APC: variants seen among roughly 807,000 people sequenced by gnomAD.
APC encodes the protein APC regulator of Wnt signaling pathway, also known as adenomatous polyposis coli protein.
Under a neutral mutation model 247.0 loss-of-function variants are expected in APC, and 72 were observed. The ratio of observed to expected loss-of-function variants is 0.29; its 90% CI spans 0.24 to 0.35. The LOEUF (loss-of-function observed/expected upper bound fraction) is 0.35, where lower values mean the gene tolerates loss of function less well. Among genes scored for constraint, APC ranks in the 10% least tolerant of loss-of-function variants. APC has a pLI of 1.00. For synonymous variants in APC, 1,254 were observed against 1,162.5 expected (o/e 1.08, Z -1.60); for missense variants, 3,400 against 3,360.7 (o/e 1.01, Z -0.29).
At chr5:112,752,529 T>C (rs1327300358) in intron 1 of APC, among the ~76,000 whole-genome samples, 1 of 152,214 alleles carries the variant, frequency 6.6e-6, no homozygotes, top group Non-Finnish European at 1.5e-5. Context: ...ATTGAGAGGT[T>C]TGCATGCTCT....
Position 112,818,279 on chromosome 5 carries a change from G to A in APC, c.934-687G>A, listed in dbSNP as rs536736201. Among the ~76,000 whole-genome samples the A allele has an allele frequency of 1.4e-3, 214 of 152,242 alleles. 3 individuals are homozygous for A. Among genetic ancestry groups the A allele is most frequent in the African/African-American group, 5.0e-3 (208 of 41,538 alleles). On this transcript the variant is annotated intron_variant, in intron 9 of 15. Transcript: ENST00000257430. The stretch of plus-strand genomic sequence containing the variant: ...CCAGGATAACTGGGTGCCACTTTCC[G>A]GTTTCTAATCTGCTTCTAACTAAAT...
intron 7 of APC, among the ~76,000 whole-genome samples, chr5:112,794,261 TG>T (rs1759961878): frequency 6.6e-6 from 1 of 152,084 alleles, no homozygotes; most frequent in East Asian, 1.9e-4. Flanking sequence ...TTGTATTTTT[TG>T]TAGAGACGAG....
chr5:112,840,614 G>A lies in APC; in HGVS notation c.5020G>A (p.Gly1674Arg), dbSNP rs899555020. 1 of 1,614,084 alleles carries A rather than the reference G, an allele frequency of 6.2e-7. No individual in the cohort carries two copies. The change falls in exon 16 of 16, where the codon GGA becomes AGA. Residue 1674 changes from glycine to arginine, a missense_variant. Coordinates refer to ENST00000257430, the MANE Select transcript of APC (RefSeq NM_000038.6). This position sits in a 1 kb window ranked among gnomAD's most constrained non-coding sequence, Gnocchi z 4.1. The part of the protein sequence containing the change: ...SPPNELAAGE[G>R]VRGGAQSGEF... Reference sequence around the variant, plus strand: ...TCCAAATGAGTTAGCTGCTGGAGAAGGAGTTAGAGGAGGGGCACAGTCAGG... The same window carrying A: ...TCCAAATGAGTTAGCTGCTGGAGAAAGAGTTAGAGGAGGGGCACAGTCAGG...
chr5:112,819,171 G>C lies in APC; in HGVS notation c.1139G>C (p.Arg380Pro), dbSNP rs587782886. The change falls in exon 10 of 16, where the codon CGG becomes CCG. Residue 380 changes from arginine (R) to proline (P), a missense_variant. Physicochemically the swap from Arg to Pro is moderately radical, Grantham distance 103. Coordinates refer to ENST00000257430, the MANE Select transcript of APC (RefSeq NM_000038.6). ...LGNSRGSKEARARASAALHNI... is the reference protein window; with the variant it reads ...LGNSRGSKEAPARASAALHNI... ...AATTCCCGGGGCAGTAAAGAGGCTC[G>C]GGCCAGGGCCAGTGCAGCACTCCAC... is the stretch of plus-strand genomic sequence containing the variant. The C allele has an allele frequency of 6.2e-7, 1 of 1,613,944 alleles. No homozygotes were observed. Among genetic ancestry groups the C allele is most frequent in the Non-Finnish European group, 8.5e-7 (1 of 1,179,978 alleles).
At chr5:112,767,056 T>G (rs1756412923) in intron 3 of APC, 133 bp from the exon 4 acceptor site, 1 of 806,290 alleles carries the variant, frequency 1.2e-6, no homozygotes, top group Non-Finnish European at 2.0e-6. Context: ...CCTAAATAAT[T>G]TTTGTTTTCA....
chr5:112,757,707 A>G (rs1398348457), intron 2 of APC, among the ~76,000 whole-genome samples: 1 of 152,124 alleles, frequency 6.6e-6, no homozygotes, highest in African/African-American at 2.4e-5. Flanking sequence ...ACAAAAACAA[A>G]ACAAAAAACA....
intron 1 of APC, among the ~76,000 whole-genome samples, chr5:112,716,705 AT>A (rs1751191460): frequency 6.6e-6 from 1 of 152,212 alleles, no homozygotes; most frequent in Admixed American, 6.5e-5. Context: ...TCTTTTATAA[AT>A]TTGAGGCTAT....
In APC at chr5:112,845,837, T is replaced by G. The variant is rs1170936215; in HGVS notation, c.*1711T>G. The G allele has an allele frequency of 4.3e-6, 1 of 232,136 alleles. No individual in the cohort carries two copies. Among genetic ancestry groups the G allele is most frequent in the Non-Finnish European group, 8.5e-6 (1 of 117,476 alleles). 14.4% of individuals were successfully genotyped at this position (232,136 alleles called of 1,614,324 possible). A position where few individuals can be genotyped will look rare whatever the true frequency, so the allele number is the denominator to read the frequency against. The stretch of plus-strand genomic sequence containing the variant: ...ACATATTTGTTGAATAAATGAAAAT[T>G]TATTTTTAGTGATAAGATTCATACA... On this transcript the variant is annotated 3_prime_UTR_variant, in exon 16 of 16. Coordinates refer to ENST00000257430, the MANE Select transcript of APC (RefSeq NM_000038.6).
rs1424017462 is a variant in APC at position 112,846,220 on chromosome 5, A to G, written c.*2094A>G. ...TTCTGTTGTTTTCCCAGGCTTCCAT[A>G]AACAATGGAGATACATGCATATAGG... On this transcript the variant is annotated 3_prime_UTR_variant, in exon 16 of 16. Transcript: ENST00000257430. 4.3e-6 allele frequency: 1 copy of G among 230,016 alleles called. No homozygotes were observed. Among genetic ancestry groups the G allele is most frequent in the Non-Finnish European group, 8.6e-6 (1 of 116,150 alleles). The allele number at this position is 230,016 out of a possible 1,614,324, so 14.2% of individuals were successfully genotyped here. A position where few individuals can be genotyped will look rare whatever the true frequency, so the allele number is the denominator to read the frequency against.
At chr5:112,759,382 C>T (rs1198892807) in intron 2 of APC, among the ~76,000 whole-genome samples, 3 of 138,592 alleles carry the variant, frequency 2.2e-5, no homozygotes, top group South Asian at 2.3e-4. Context: ...TTTTTGAGAC[C>T]GAGTCTTGCT....
At chr5:112,794,915 CAT>C (rs1760037339) in intron 7 of APC, among the ~76,000 whole-genome samples, 1 of 152,154 alleles carries the variant, frequency 6.6e-6, no homozygotes, top group Admixed American at 6.5e-5. Context: ...AATGAAGAGA[CAT>C]ATGGGGCAAG....
intron 1 of APC, among the ~76,000 whole-genome samples, chr5:112,718,792 A>G (rs1322230710): frequency 2.0e-5 from 3 of 152,244 alleles, no homozygotes; most frequent in Admixed American, 1.3e-4. Context: ...TGCTGTTTCT[A>G]CGAGTGTAAG....
At position 112,843,743 on chromosome 5, in the gene APC, G is replaced by T. The variant is rs764260286; in HGVS notation, c.8149G>T (p.Gly2717Cys). The T allele has an allele frequency of 1.2e-6, 2 of 1,614,050 alleles. No individual in the cohort carries two copies. Among genetic ancestry groups the T allele is most frequent in the South Asian group, 2.2e-5 (2 of 91,078 alleles). Residue 2717 changes from glycine to cysteine, a missense_variant, in exon 16 of 16, where the codon GGT becomes TGT. Gly to Cys is a radical substitution (Grantham distance 159). Transcript: ENST00000257430. The surrounding 1 kb of genome is among the most constrained non-coding windows in gnomAD (Gnocchi z 4.8). ...TGGCAGTGTTCCCATGCGTACCGTG[G>T]GTTTGGAAAATCGCCTGAACTCCTT... ...GNGSVPMRTV[G>C]LENRLNSFIQ...
chr5:112,831,970 C>G (rs1340249746), intron 14 of APC, among the ~76,000 whole-genome samples: 3 of 152,176 alleles, frequency 2.0e-5, no homozygotes, highest in African/African-American at 7.2e-5. Context: ...GCTGTACTAT[C>G]TTGAGTTCCT....
In APC at chr5:112,827,194, C is replaced by G. The variant is rs137854580; in HGVS notation, c.1495C>G (p.Arg499Gly). Residue 499 changes from arginine (R) to glycine (G), a missense_variant, in exon 12 of 16, where the codon CGA becomes GGA. Physicochemically the swap from Arg to Gly is moderately radical, Grantham distance 125. This residue lies in a region of APC where 199 missense variants were observed against 212.5 expected (regional missense o/e 0.94). Coordinates refer to ENST00000257430, the MANE Select transcript of APC (RefSeq NM_000038.6). ...TNDHYSITLRRYAGMALTNLT... is the reference protein window; with the variant it reads ...TNDHYSITLRGYAGMALTNLT... Reference sequence around the variant, plus strand: ...TGACCACTACAGTATTACACTAAGACGATATGCTGGAATGGCTTTGACAAA... The same window carrying G: ...TGACCACTACAGTATTACACTAAGAGGATATGCTGGAATGGCTTTGACAAA... 1.2e-5 allele frequency: 19 copies of G among 1,613,802 alleles called. No individual in the cohort carries two copies.
intron 1 of APC, among the ~76,000 whole-genome samples, chr5:112,743,320 A>C (rs1237397500): frequency 6.6e-6 from 1 of 152,208 alleles, no homozygotes; most frequent in Admixed American, 6.5e-5. Flanking sequence ...ACATCTGCAA[A>C]GTTCCTTTAG....
rs876658194 is a variant in APC, at chr5:112,842,878, A to G, written c.7284A>G (p.Glu2428=). The G allele has an allele frequency of 6.2e-7, 1 of 1,614,070 alleles. No homozygotes were observed. The highest frequency in any genetic ancestry group is 1.1e-5 in the South Asian group (1 of 91,080). ...CTTCAACTAAATCAAGTGGAAGTGA[A>G]TCTGATAGATCAGAAAGACCTGTAT... ...RMSSTKSSGS[E]SDRSERPVLV... The change falls in exon 16 of 16, where the codon GAA becomes GAG. Residue 2428 remains glutamate, a synonymous_variant. Transcript: ENST00000257430.
At position 112,775,441 on chromosome 5, in the gene APC, C is replaced by CT. The variant is rs200367530; in HGVS notation, c.423-187dup. On this transcript the variant is annotated intron_variant, in intron 4 of 15. Coordinates refer to ENST00000257430, the MANE Select transcript of APC (RefSeq NM_000038.6). Reference sequence around the variant, plus strand: ...TAGAAAAAAAGTTCTTTTTAATACTCTAATTTTAATGACTGTAATATTCTA... The same window carrying CT: ...TAGAAAAAAAGTTCTTTTTAATACTCTTAATTTTAATGACTGTAATATTCTA... 0.016 allele frequency among the ~76,000 whole-genome samples: 2,446 copies of CT among 152,050 alleles called. 30 individuals are homozygous for CT. The highest frequency in any genetic ancestry group is 0.026 in the Non-Finnish European group (1,786 of 67,960).
chr5:112,712,795 CT>C (rs1750932991), intron 1 of APC, among the ~76,000 whole-genome samples: 1 of 152,216 alleles, frequency 6.6e-6, no homozygotes, highest in South Asian at 2.1e-4. Flanking sequence ...TCTTCTCCCA[CT>C]GTCAATCACG....
Sources: gnomAD v4.1 joint callset for allele counts (sites outside exome capture counted in the v4.1 genomes callset) on GRCh38, gnomAD v4.1.1 for gene constraint, gnomAD v4.1.1 regional missense constraint, Gnocchi (gnomAD v3.1) non-coding constraint, MANE v1.5 for transcripts, NCBI Gene and HGNC (gene_info 2026-07-23, HGNC 2026-07-21) for gene names.